The following ZBTB20 variants were observed in gnomAD, a reference collection of about 807,000 sequenced individuals.
ZBTB20 encodes the protein zinc finger and BTB domain containing 20.
Under a neutral mutation model 56.9 loss-of-function variants are expected in ZBTB20, and 9 were observed. The ratio of observed to expected loss-of-function variants is 0.16; its 90% CI spans 0.10 to 0.28. The LOEUF is 0.28. Among genes scored for constraint, ZBTB20 ranks in the 10% least tolerant of loss-of-function variants. ZBTB20 has a pLI of 1.00. For missense variants in ZBTB20, 655 were observed against 1,003.0 expected (o/e 0.65, Z 4.69); for synonymous variants, 417 against 420.7 (o/e 0.99, Z 0.11).
chr3:114,533,862 C>T (rs76719887), intron 6 of ZBTB20, among the ~76,000 whole-genome samples: 1 of 152,154 alleles, frequency 6.6e-6, no homozygotes, highest in African/African-American at 2.4e-5. Context: ...GAATTTTCAA[C>T]CCAGAATTTC....
At chr3:114,570,662 A>G (rs1278451996) in intron 6 of ZBTB20, among the ~76,000 whole-genome samples, 1 of 152,156 alleles carries the variant, frequency 6.6e-6, no homozygotes, top group Non-Finnish European at 1.5e-5. Context: ...AAAATGAATA[A>G]TCTTGCTTGA....
At chr3:114,880,453 A>G (rs2076357712) in intron 4 of ZBTB20, among the ~76,000 whole-genome samples, 1 of 152,222 alleles carries the variant, frequency 6.6e-6, no homozygotes, top group African/African-American at 2.4e-5. Flanking sequence ...TGATGAGGAT[A>G]TGAACAAATA....
chr3:114,532,577 C>T (rs1471550394), intron 6 of ZBTB20, among the ~76,000 whole-genome samples: 1 of 152,220 alleles, frequency 6.6e-6, no homozygotes, highest in Admixed American at 6.5e-5. Flanking sequence ...CAGACTTAAA[C>T]GTTCCCACCT....
At chr3:114,585,285 G>A (rs762447745) in intron 6 of ZBTB20, among the ~76,000 whole-genome samples, 1 of 152,094 alleles carries the variant, frequency 6.6e-6, no homozygotes, top group African/African-American at 2.4e-5. Flanking sequence ...TGCTCTTGAG[G>A]GGACAAGAGC....
chr3:114,874,022 C>T (rs2076103859), intron 4 of ZBTB20: 1 of 152,158 alleles, frequency 6.6e-6, no homozygotes, highest in African/African-American at 2.4e-5. Flanking sequence ...ATGACTTTGC[C>T]TCTGTAGCAC....
intron 10 of ZBTB20, among the ~76,000 whole-genome samples, chr3:114,361,122 T>C (rs1008576316): frequency 1.3e-4 from 20 of 152,214 alleles, no homozygotes; most frequent in Non-Finnish European, 1.6e-4. Flanking sequence ...CCTATAGCTA[T>C]AGCTAACATT....
rs1362429117 is a variant in ZBTB20, at chr3:114,320,123, T to C, written c.*18882A>G. ...TTTCAGCATTGTAGTTTAAACTATG[T>C]ATTTTTCTTACTTGATGATATTAAT... On this transcript the variant is annotated 3_prime_UTR_variant, in exon 12 of 12. Coordinates refer to ENST00000675478, the MANE Select transcript of ZBTB20 (RefSeq NM_001348800.3). 1 of 152,188 alleles carries C rather than the reference T, an allele frequency of 6.6e-6. No homozygotes were observed. The highest frequency in any genetic ancestry group is 1.5e-5 in the Non-Finnish European group (1 of 68,024). The allele number at this position is 152,188 out of a possible 1,614,324, so 9.4% of individuals were successfully genotyped here. A position where few individuals can be genotyped will look rare whatever the true frequency, so the allele number is the denominator to read the frequency against.
chr3:114,954,070 A>G (rs1487016406), intron 3 of ZBTB20, among the ~76,000 whole-genome samples: 1 of 152,114 alleles, frequency 6.6e-6, no homozygotes, highest in Non-Finnish European at 1.5e-5. Flanking sequence ...TTTTATAGAA[A>G]TGAATTTCTG....
chr3:114,869,836 C>G (rs553224738), intron 4 of ZBTB20, among the ~76,000 whole-genome samples: 1 of 152,124 alleles, frequency 6.6e-6, no homozygotes, highest in East Asian at 1.9e-4. Context: ...AAACAAATAG[C>G]AAAAATGTAA....
intron 4 of ZBTB20, among the ~76,000 whole-genome samples, chr3:114,805,513 G>A (rs375679361): frequency 7.6e-6 from 1 of 130,880 alleles, no homozygotes; most frequent in Non-Finnish European, 1.7e-5. Flanking sequence ...TAACATCAAA[G>A]GTATATGATA....
In ZBTB20 at chr3:114,362,665, C is replaced by T. The variant is rs2082010511; in HGVS notation, c.200-10787G>A. ...GCTCATTCATTTATGATTTCTGATA[C>T]ATGCCATGCTGTCTCTGTCTCCCTG... On this transcript the variant is annotated intron_variant, in intron 10 of 11. Transcript: ENST00000675478. Among the ~76,000 whole-genome samples, 3 of 152,192 alleles carry T rather than the reference C, an allele frequency of 2.0e-5. 1 individual carries two copies. Among genetic ancestry groups the T allele is most frequent in the Admixed American group, 2.0e-4 (3 of 15,274 alleles).
chr3:114,676,701 G>A (rs2061646206), intron 6 of ZBTB20, among the ~76,000 whole-genome samples: 1 of 151,370 alleles, frequency 6.6e-6, no homozygotes, highest in Non-Finnish European at 1.5e-5. Flanking sequence ...AAAATTTAGT[G>A]AGAACTTACT....
In ZBTB20 at chr3:114,806,652, T is replaced by G. The variant is rs183392591; in HGVS notation, c.-416-5478A>C. Among the ~76,000 whole-genome samples, 54 of 152,104 alleles carry G rather than the reference T, an allele frequency of 3.6e-4. 1 individual carries two copies. In the South Asian group the frequency reaches 9.7e-3, roughly 27 times the overall value. On this transcript the variant is annotated intron_variant, in intron 4 of 11. Transcript: ENST00000675478. ...TTATTGAATCAAGCTTTTGGTGTGA[T>G]AGCTAAGAACTTTTTCTAACCCAAA...
intron 6 of ZBTB20, among the ~76,000 whole-genome samples, chr3:114,636,039 A>G (rs2059249431): frequency 6.6e-6 from 1 of 152,170 alleles, no homozygotes; most frequent in Non-Finnish European, 1.5e-5. Context: ...GAGCGAAGCA[A>G]CTCATCACAT....
intron 1 of ZBTB20, among the ~76,000 whole-genome samples, chr3:115,142,260 TCA>T (rs2084831813): frequency 6.6e-6 from 1 of 152,132 alleles, no homozygotes; most frequent in Admixed American, 6.5e-5. Context: ...AAATATATAC[TCA>T]CACACACATG....
intron 7 of ZBTB20, chr3:114,454,890 C>G (rs758897812): frequency 6.6e-6 from 1 of 151,412 alleles, no homozygotes; most frequent in African/African-American, 2.4e-5. Flanking sequence ...CACAAATCTC[C>G]GAGTGCCATT....
intron 5 of ZBTB20, 30 bp downstream of exon 5, chr3:114,801,071 C>T (rs973364815): frequency 5.3e-5 from 8 of 151,910 alleles, no homozygotes; most frequent in African/African-American, 1.9e-4. Context: ...CACAGAAACA[C>T]AGAAGAAGGT....
At chr3:114,814,097 T>A (rs1259640831) in intron 4 of ZBTB20, among the ~76,000 whole-genome samples, 3 of 151,816 alleles carry the variant, frequency 2.0e-5, no homozygotes, top group Non-Finnish European at 4.4e-5. Flanking sequence ...AGCATTGTAT[T>A]TCTTTAAAAT....
chr3:114,469,497 A>G (rs1406684522), intron 7 of ZBTB20, among the ~76,000 whole-genome samples: 1 of 152,198 alleles, frequency 6.6e-6, no homozygotes, highest in Non-Finnish European at 1.5e-5. Context: ...AACATTTCCC[A>G]TTAACATCCA....
Sources: allele counts gnomAD v4.1 joint callset (sites outside exome capture counted in the v4.1 genomes callset), GRCh38; gene constraint gnomAD v4.1.1; transcripts MANE v1.5; gene names NCBI Gene and HGNC (gene_info 2026-07-23, HGNC 2026-07-21).